Variants in IL1RAPL2 observed in about 807,000 individuals in gnomAD.
The protein encoded by IL1RAPL2 is interleukin 1 receptor accessory protein like 2.
A neutral mutation model predicts 44.1 loss-of-function variants in IL1RAPL2; 3 were observed. The ratio of observed to expected loss-of-function variants is 0.07; its 90% CI spans 0.03 to 0.18. IL1RAPL2 has a LOEUF of 0.18. IL1RAPL2 is among the 10% of genes least tolerant of loss of function. The pLI is 1.00. For missense variants in IL1RAPL2, 391 were observed against 496.4 expected (o/e 0.79, Z 2.02); for synonymous variants, 181 against 178.8 (o/e 1.01, Z -0.10).
At chrX:105,493,226 C>T (rs2036333619) in intron 6 of IL1RAPL2, among the ~76,000 whole-genome samples, 1 of 111,696 alleles carries the variant, frequency 9.0e-6, no homozygotes, top group Admixed American at 9.5e-5. Context: ...CTGCTGTGAG[C>T]ATTCATGTAC....
At chrX:104,914,936 G>A (rs776203748) in intron 2 of IL1RAPL2, among the ~76,000 whole-genome samples, 21 of 111,740 alleles carry the variant, frequency 1.9e-4, no homozygotes, top group African/African-American at 6.8e-4. Flanking sequence ...TGGTGTATAT[G>A]TGCCACATTT....
intron 2 of IL1RAPL2, among the ~76,000 whole-genome samples, chrX:104,901,529 C>T (rs933709952): frequency 6.3e-5 from 7 of 110,267 alleles, no homozygotes; most frequent in Non-Finnish European, 1.3e-4. Flanking sequence ...TGCTTTCTAC[C>T]AGGTCATGTA....
intron 2 of IL1RAPL2, among the ~76,000 whole-genome samples, chrX:104,893,962 G>T (rs900251306): frequency 9.0e-6 from 1 of 111,531 alleles, no homozygotes; most frequent in Non-Finnish European, 1.9e-5. Flanking sequence ...TCCTTCAGGA[G>T]CTCTTTTAGG....
chrX:104,900,623 AT>A (rs1923785477), intron 2 of IL1RAPL2, among the ~76,000 whole-genome samples: 1 of 112,259 alleles, frequency 8.9e-6, no homozygotes, highest in East Asian at 2.8e-4. Context: ...TCTACCATGC[AT>A]GTCTCTCATC....
chrX:105,350,993 C>G (rs1369336547), intron 5 of IL1RAPL2, among the ~76,000 whole-genome samples: 3 of 111,725 alleles, frequency 2.7e-5, no homozygotes, highest in Non-Finnish European at 5.6e-5. Flanking sequence ...CAAAAGAAGA[C>G]ATTTATGCAG....
At position 105,358,621 on chromosome X, in the gene IL1RAPL2, G is replaced by A. The variant is rs761850063; in HGVS notation, c.697+91080G>A. Among the ~76,000 whole-genome samples, 13 of 103,837 alleles carry A rather than the reference G, an allele frequency of 1.3e-4. No individual in the cohort carries two copies. The Admixed American group carries it at 1.3e-3, about 10-fold the overall frequency. 90.2% of individuals were successfully genotyped at this position (103,837 alleles called of 115,157 possible). ...AGCTGGGTGGTCGAGGCTGCAGTGAGCTGTGTTCACACCACTGCACTCCAG... is the reference window on the plus strand; with the variant it reads ...AGCTGGGTGGTCGAGGCTGCAGTGAACTGTGTTCACACCACTGCACTCCAG... On this transcript the variant is annotated intron_variant, in intron 5 of 10. Transcript: ENST00000372582.
intron 2 of IL1RAPL2, among the ~76,000 whole-genome samples, chrX:105,009,587 C>T (rs1182030073): frequency 4.2e-5 from 3 of 71,219 alleles, no homozygotes; most frequent in Non-Finnish European, 7.5e-5. Flanking sequence ...CATCACACAC[C>T]AGGGCCTGTT....
intron 6 of IL1RAPL2, among the ~76,000 whole-genome samples, chrX:105,669,443 A>C (rs1374873878): frequency 9.0e-6 from 1 of 111,651 alleles, no homozygotes; most frequent in African/African-American, 3.3e-5. Flanking sequence ...CAAATACCTG[A>C]GACTTCATTT....
At chrX:105,098,330 T>C (rs2032630070) in intron 2 of IL1RAPL2, among the ~76,000 whole-genome samples, 1 of 111,674 alleles carries the variant, frequency 9.0e-6, no homozygotes, top group Non-Finnish European at 1.9e-5. Context: ...ACTCATTTCA[T>C]CTCCGGTTCT....
intron 2 of IL1RAPL2, among the ~76,000 whole-genome samples, chrX:104,843,017 C>G (rs1921951560): frequency 1.8e-5 from 2 of 112,320 alleles, no homozygotes; most frequent in Non-Finnish European, 3.8e-5. Flanking sequence ...AGTCGGCCTT[C>G]CCCCTAGGTG....
At chrX:104,755,553 C>A (rs1451395552) in intron 2 of IL1RAPL2, among the ~76,000 whole-genome samples, 1 of 110,401 alleles carries the variant, frequency 9.1e-6, no homozygotes, top group Non-Finnish European at 1.9e-5. Context: ...GAAATGTGAA[C>A]CTAGATGCTC....
intron 2 of IL1RAPL2, among the ~76,000 whole-genome samples, chrX:104,711,830 T>C (rs898977168): frequency 3.6e-5 from 4 of 111,050 alleles, no homozygotes; most frequent in African/African-American, 1.3e-4. Context: ...AATGTAGTCA[T>C]ATAAATCTCT....
intron 2 of IL1RAPL2, among the ~76,000 whole-genome samples, chrX:105,012,609 TCTCTCTC>T: frequency 1.7e-5 from 1 of 58,588 alleles, no homozygotes; most frequent in Middle Eastern, 8.1e-3. Context: ...TCTCTCTCTC[TCTCTCTC>T]TCTCTCTCTC....
intron 5 of IL1RAPL2, among the ~76,000 whole-genome samples, chrX:105,316,234 A>C (rs2147684501): frequency 9.0e-6 from 1 of 111,512 alleles, no homozygotes; most frequent in Non-Finnish European, 1.9e-5. Context: ...AGATCAAGTC[A>C]CTGAACTCCA....
intron 2 of IL1RAPL2, among the ~76,000 whole-genome samples, chrX:104,881,109 A>G (rs746809176): frequency 8.9e-6 from 1 of 111,861 alleles, no homozygotes; most frequent in Non-Finnish European, 1.9e-5. Context: ...ATAACGTAAA[A>G]TTTTTATAAA....
At chrX:105,175,376 A>G (rs1247929100) in intron 2 of IL1RAPL2, among the ~76,000 whole-genome samples, 1 of 111,517 alleles carries the variant, frequency 9.0e-6, no homozygotes, top group Non-Finnish European at 1.9e-5. Context: ...TAGAAATAAC[A>G]GTGATGCTTC....
At chrX:104,669,266 A>C (rs1211576359) in intron 2 of IL1RAPL2, among the ~76,000 whole-genome samples, 4 of 111,523 alleles carry the variant, frequency 3.6e-5, no homozygotes, top group African/African-American at 1.3e-4. Context: ...GATACACTGA[A>C]ACACTACTGA....
chrX:105,354,669 A>G (rs2035187412), intron 5 of IL1RAPL2, among the ~76,000 whole-genome samples: 1 of 111,238 alleles, frequency 9.0e-6, no homozygotes, highest in African/African-American at 3.3e-5. Context: ...AAGAAAACCT[A>G]TATTCTAAAC....
chrX:105,454,338 C>A (rs1260594392), intron 5 of IL1RAPL2, among the ~76,000 whole-genome samples: 3 of 111,790 alleles, frequency 2.7e-5, no homozygotes, highest in Non-Finnish European at 5.6e-5. Context: ...ATTTTGAGAA[C>A]AAAGTCATGC....
Sources: allele counts gnomAD v4.1 joint callset (sites outside exome capture counted in the v4.1 genomes callset), GRCh38; gene constraint gnomAD v4.1.1; transcripts MANE v1.5; gene names NCBI Gene and HGNC (gene_info 2026-07-23, HGNC 2026-07-21).